Variants in TOGARAM1 observed in about 807,000 individuals in gnomAD.
The protein encoded by TOGARAM1 is TOG array regulator of axonemal microtubules 1, also known as TOG array regulator of axonemal microtubules protein 1.
In TOGARAM1, 100 loss-of-function variants were observed where a neutral mutation model predicts 166.6. That is an observed-to-expected ratio of 0.60 (90% CI 0.51 to 0.71). The LOEUF (loss-of-function observed/expected upper bound fraction) is 0.71. Ranked by LOEUF, TOGARAM1 falls within the 30% of genes least tolerant of loss-of-function variation. TOGARAM1 has a pLI of 0.00. For missense variants in TOGARAM1, 2,029 were observed against 2,102.7 expected (o/e 0.96, Z 0.69); for synonymous variants, 758 against 763.8 (o/e 0.99, Z 0.13).
At chr14:45,037,184 T>G (rs760204982) in intron 11 of TOGARAM1, among the ~76,000 whole-genome samples, 1 of 152,190 alleles carries the variant, frequency 6.6e-6, no homozygotes, top group Non-Finnish European at 1.5e-5. Context: ...CCTTATTATG[T>G]GCCACACACA....
chr14:44,984,774 C>A (rs1193804352), intron 1 of TOGARAM1, among the ~76,000 whole-genome samples: 1 of 149,656 alleles, frequency 6.7e-6, no homozygotes, highest in Non-Finnish European at 1.5e-5. Context: ...GACCTCATCT[C>A]TAAAAAAAAT....
intron 14 of TOGARAM1, among the ~76,000 whole-genome samples, chr14:45,049,549 G>A (rs535872069): frequency 2.6e-4 from 40 of 152,056 alleles, no homozygotes; most frequent in African/African-American, 9.4e-4. Flanking sequence ...GTGAGCCACC[G>A]CACCCGGCCA....
At chr14:44,994,261 G>C (rs1368259654) in intron 1 of TOGARAM1, among the ~76,000 whole-genome samples, 1 of 152,110 alleles carries the variant, frequency 6.6e-6, no homozygotes, top group Non-Finnish European at 1.5e-5. Flanking sequence ...TAGGACTACA[G>C]GTGTAGGCTA....
At chr14:45,020,725 G>A (rs1880450362) in intron 7 of TOGARAM1, among the ~76,000 whole-genome samples, 1 of 152,204 alleles carries the variant, frequency 6.6e-6, no homozygotes. Flanking sequence ...CTATTTGTGT[G>A]GGAGGAGTTA....
At chr14:45,044,262 G>T (rs539188545) in intron 12 of TOGARAM1, among the ~76,000 whole-genome samples, 21 of 152,000 alleles carry the variant, frequency 1.4e-4, no homozygotes, top group African/African-American at 4.3e-4. Flanking sequence ...CACCCACCTC[G>T]GCCTCCCAAA....
intron 7 of TOGARAM1, among the ~76,000 whole-genome samples, chr14:45,012,617 A>G (rs1879873764): frequency 6.6e-6 from 1 of 152,142 alleles, no homozygotes. Context: ...ACTATGATCT[A>G]TTTAGGGTGA....
At chr14:44,989,060 G>A (rs1266282946) in intron 1 of TOGARAM1, among the ~76,000 whole-genome samples, 2 of 152,148 alleles carry the variant, frequency 1.3e-5, no homozygotes, top group Non-Finnish European at 2.9e-5. Context: ...GAGATAACAA[G>A]TGTTTGTTGT....
chr14:45,063,629 G>T (rs146145314), intron 16 of TOGARAM1, among the ~76,000 whole-genome samples: 1,816 of 152,008 alleles, frequency 0.012, 32 homozygotes, highest in African/African-American at 0.04. Flanking sequence ...ATAGGCGCGT[G>T]CCACCATGCC....
intron 9 of TOGARAM1, 121 bp from the exon 10 acceptor site, chr14:45,028,055 C>G (rs1880958215): frequency 1.4e-6 from 1 of 725,422 alleles, no homozygotes; most frequent in Non-Finnish European, 2.2e-6. Context: ...ATTCTGTTTT[C>G]TAGGACACAC....
intron 3 of TOGARAM1, among the ~76,000 whole-genome samples, chr14:45,001,959 G>A (rs530323526): frequency 6.6e-6 from 1 of 152,126 alleles, no homozygotes; most frequent in Admixed American, 6.5e-5. Flanking sequence ...ATTAGATAGA[G>A]GTAGGATCAA....
At chr14:45,052,076 C>T (rs921327281) in intron 14 of TOGARAM1, among the ~76,000 whole-genome samples, 2 of 152,160 alleles carry the variant, frequency 1.3e-5, no homozygotes, top group African/African-American at 4.8e-5. Context: ...GATCATATGG[C>T]TGAGTGGGAG....
At chr14:45,057,141 A>G (rs1444892984) in intron 16 of TOGARAM1, among the ~76,000 whole-genome samples, 1 of 152,106 alleles carries the variant, frequency 6.6e-6, no homozygotes, top group Non-Finnish European at 1.5e-5. Context: ...GTAGTTGCTC[A>G]TAATAGTCTC....
intron 7 of TOGARAM1, among the ~76,000 whole-genome samples, chr14:45,023,656 C>T (rs1880655872): frequency 6.6e-6 from 1 of 152,118 alleles, no homozygotes; most frequent in South Asian, 2.1e-4. Flanking sequence ...TTTTCTGTGA[C>T]ATATAAAGAA....
chr14:45,065,936 A>G (rs370959450), intron 16 of TOGARAM1, among the ~76,000 whole-genome samples: 2 of 152,212 alleles, frequency 1.3e-5, no homozygotes, highest in South Asian at 2.1e-4. Flanking sequence ...GGCTGCTTGC[A>G]AGGTTAGCTC....
chr14:44,978,136 A>C (rs1886317522), intron 1 of TOGARAM1: 1 of 152,226 alleles, frequency 6.6e-6, no homozygotes, highest in Non-Finnish European at 1.5e-5. Flanking sequence ...GTATGGGCAT[A>C]TGCTTTCTGG....
rs1408974450 is a variant in TOGARAM1 at position 44,962,407 on chromosome 14, A to C, written c.-15A>C. ...GCAATGGTTTCTTCCAACCACCACCACCTGACAACCCTGCATGGCGGCTGC... is the reference window on the plus strand; with the variant it reads ...GCAATGGTTTCTTCCAACCACCACCCCCTGACAACCCTGCATGGCGGCTGC... On this transcript the variant is annotated 5_prime_UTR_variant, in exon 1 of 20. Coordinates refer to ENST00000361462, the MANE Select transcript of TOGARAM1 (RefSeq NM_001308120.2). 1 of 1,527,558 alleles carries C rather than the reference A, an allele frequency of 6.5e-7. No homozygotes were observed. The highest frequency in any genetic ancestry group is 2.3e-5 in the East Asian group (1 of 44,142). 94.6% of individuals were successfully genotyped at this position (1,527,558 alleles called of 1,614,324 possible). A position where few individuals can be genotyped will look rare whatever the true frequency, so the allele number is the denominator to read the frequency against.
At chr14:45,018,528 G>A (rs561876127) in intron 7 of TOGARAM1, among the ~76,000 whole-genome samples, 21 of 152,298 alleles carry the variant, frequency 1.4e-4, no homozygotes, top group African/African-American at 5.1e-4. Flanking sequence ...ACAGGTGTGA[G>A]CCACCACACC....
In TOGARAM1 at chr14:45,068,496, C is replaced by T. The variant is rs1297263590; in HGVS notation, c.4822C>T (p.His1608Tyr). The T allele has an allele frequency of 1.2e-6, 2 of 1,613,452 alleles. No individual in the cohort carries two copies. The highest frequency in any genetic ancestry group is 1.7e-4 in the Middle Eastern group (1 of 6,058). ...AAATCTGGTGGCTCTGGAAACAATG[C>T]ACAAAATGATTCCTCTACTTAGAGA... ...KVNLVALETM[H>Y]KMIPLLRDHL... The change falls in exon 18 of 20, where the codon CAC (histidine) becomes TAC (tyrosine). Residue 1608 changes from histidine (H) to tyrosine (Y), a missense_variant. Coordinates refer to ENST00000361462, the MANE Select transcript of TOGARAM1 (RefSeq NM_001308120.2).
chr14:45,069,979 G>A (rs536261725), intron 18 of TOGARAM1, among the ~76,000 whole-genome samples: 3 of 152,034 alleles, frequency 2.0e-5, no homozygotes, highest in Non-Finnish European at 4.4e-5. Context: ...TCAGGAGATC[G>A]AGACCATCCT....
Sources: allele counts gnomAD v4.1 joint callset (sites outside exome capture counted in the v4.1 genomes callset), GRCh38; gene constraint gnomAD v4.1.1; transcripts MANE v1.5; gene names NCBI Gene and HGNC (gene_info 2026-07-23, HGNC 2026-07-21).